PITPNC1: variants seen among roughly 807,000 people sequenced by gnomAD.
PITPNC1 encodes phosphatidylinositol transfer protein cytoplasmic 1.
In PITPNC1, 18 loss-of-function variants were observed where a neutral mutation model predicts 44.7. That is an observed-to-expected ratio of 0.40 (90% CI 0.28 to 0.60). The LOEUF (loss-of-function observed/expected upper bound fraction) is 0.60. Among genes scored for constraint, PITPNC1 ranks in the 20% least tolerant of loss-of-function variants. The pLI, the probability that PITPNC1 is intolerant of heterozygous loss-of-function variation, is 0.39. For missense variants in PITPNC1, 290 were observed against 418.4 expected, an observed-to-expected ratio of 0.69 and a Z score of 2.68; for synonymous variants, 141 against 149.6, an observed-to-expected ratio of 0.94 and a Z score of 0.42.
chr17:67,487,926 G>A (rs1250999349), intron 1 of PITPNC1, among the ~76,000 whole-genome samples: 1 of 152,172 alleles, frequency 6.6e-6, no homozygotes, highest in Non-Finnish European at 1.5e-5. Flanking sequence ...GAAGAAAAGG[G>A]TTAGGACCAC....
At chr17:67,583,287 T>A (rs1321459878) in intron 5 of PITPNC1, among the ~76,000 whole-genome samples, 1 of 152,092 alleles carries the variant, frequency 6.6e-6, no homozygotes, top group Non-Finnish European at 1.5e-5. Flanking sequence ...CAATCACAGC[T>A]GCCTATTAAA....
chr17:67,422,434 C>T (rs549385027), intron 1 of PITPNC1, among the ~76,000 whole-genome samples: 64 of 152,312 alleles, frequency 4.2e-4, no homozygotes, highest in African/African-American at 1.3e-3. Context: ...GCTATGTTGC[C>T]TAGGCTGGTC....
intron 1 of PITPNC1, among the ~76,000 whole-genome samples, chr17:67,458,211 T>C (rs967257641): frequency 1.1e-4 from 16 of 152,194 alleles, no homozygotes; most frequent in African/African-American, 3.6e-4. Flanking sequence ...CTCCTCTTTT[T>C]CCTTCACAGG....
intron 1 of PITPNC1, among the ~76,000 whole-genome samples, chr17:67,476,080 A>G (rs1002600583): frequency 6.6e-6 from 1 of 152,194 alleles, no homozygotes; most frequent in Non-Finnish European, 1.5e-5. Context: ...TCCCCTTCCA[A>G]AGTGCTTTCA....
chr17:67,632,585 T>C (rs1318368447), intron 6 of PITPNC1, among the ~76,000 whole-genome samples: 32 of 145,246 alleles, frequency 2.2e-4, no homozygotes, highest in African/African-American at 8.1e-4. Context: ...TTTTTTTTTT[T>C]CTTTTTTTTT....
At chr17:67,481,072 T>G (rs1318046692) in intron 1 of PITPNC1, among the ~76,000 whole-genome samples, 2 of 152,214 alleles carry the variant, frequency 1.3e-5, no homozygotes, top group Non-Finnish European at 2.9e-5. Context: ...CTGGGCGCAG[T>G]GGTGCACGCC....
intron 1 of PITPNC1, among the ~76,000 whole-genome samples, chr17:67,424,600 T>G (rs1016271073): frequency 1.3e-5 from 2 of 151,980 alleles, no homozygotes; most frequent in Non-Finnish European, 2.9e-5. Flanking sequence ...AAGGTTGCAG[T>G]GATCCGGGAT....
At chr17:67,489,451 T>C (rs1161488585) in intron 1 of PITPNC1, among the ~76,000 whole-genome samples, 1 of 152,234 alleles carries the variant, frequency 6.6e-6, no homozygotes, top group Non-Finnish European at 1.5e-5. Context: ...ACAAAGATTG[T>C]GGTCACTATA....
At position 67,535,390 on chromosome 17, in the gene PITPNC1, C is replaced by G. The variant is rs116579212; in HGVS notation, c.197+2440C>G. Among the ~76,000 whole-genome samples, 1,265 of 152,278 alleles carry G rather than the reference C, an allele frequency of 8.3e-3. 12 individuals are homozygous for G. The highest frequency in any genetic ancestry group is 0.029 in the African/African-American group (1,205 of 41,552). ...TGAGGAAGATGCCAGAAAATAGAAA[C>G]CTATGGAAAATTCCATTTCTTGGCA... On this transcript the variant is annotated intron_variant, in intron 2 of 8. Coordinates refer to ENST00000581322, the MANE Select transcript of PITPNC1 (RefSeq NM_012417.4).
intron 1 of PITPNC1, among the ~76,000 whole-genome samples, chr17:67,517,776 T>C (rs2040276758): frequency 6.6e-6 from 1 of 152,184 alleles, no homozygotes. Context: ...GGATGACTAT[T>C]AGTGGGTATG....
intron 1 of PITPNC1, among the ~76,000 whole-genome samples, chr17:67,447,972 G>T (rs942859693): frequency 2.7e-5 from 4 of 148,652 alleles, no homozygotes; most frequent in Non-Finnish European, 6.0e-5. Flanking sequence ...TTCAGATGGG[G>T]TCTTGCTCTG....
intron 7 of PITPNC1, among the ~76,000 whole-genome samples, chr17:67,672,135 T>C (rs2042525257): frequency 6.6e-6 from 1 of 151,856 alleles, no homozygotes; most frequent in Non-Finnish European, 1.5e-5. Context: ...GGTTTCACCA[T>C]GTTAGCCAGG....
chr17:67,383,756 T>C (rs2037999423), intron 1 of PITPNC1, among the ~76,000 whole-genome samples: 1 of 152,182 alleles, frequency 6.6e-6, no homozygotes, highest in Admixed American at 6.5e-5. Context: ...TTAACCGTTC[T>C]GGCCAGGCGC....
At chr17:67,487,277 C>T (rs1264344843) in intron 1 of PITPNC1, among the ~76,000 whole-genome samples, 36 of 152,004 alleles carry the variant, frequency 2.4e-4, no homozygotes, top group Admixed American at 2.4e-3. Flanking sequence ...CAGGTTCAAG[C>T]AATTCTCTTG....
At chr17:67,668,861 C>CA (rs1445471215) in intron 6 of PITPNC1, among the ~76,000 whole-genome samples, 3 of 149,540 alleles carry the variant, frequency 2.0e-5, no homozygotes, top group Non-Finnish European at 4.4e-5. Flanking sequence ...GACTCCATCT[C>CA]AAAAAAAAGA....
At chr17:67,457,371 T>TTTTTGTA (rs1275558229) in intron 1 of PITPNC1, 12 of 139,248 alleles carry the variant, frequency 8.6e-5, no homozygotes, top group African/African-American at 3.9e-4. Context: ...CTCTGGCTGT[T>TTTTTGTA]TTTTGTTTTT....
At chr17:67,444,985 G>C (rs2039074674) in intron 1 of PITPNC1, among the ~76,000 whole-genome samples, 1 of 145,556 alleles carries the variant, frequency 6.9e-6, no homozygotes, top group Admixed American at 7.1e-5. Context: ...ATCCTAGTGG[G>C]GTACAGATGT....
At chr17:67,662,336 C>T (rs984470255) in intron 6 of PITPNC1, among the ~76,000 whole-genome samples, 2 of 151,120 alleles carry the variant, frequency 1.3e-5, no homozygotes, top group South Asian at 4.2e-4. Context: ...TGCCTGTAAT[C>T]CCAGCTACTT....
chr17:67,517,886 T>A (rs9899770), intron 1 of PITPNC1, among the ~76,000 whole-genome samples: 95,029 of 151,796 alleles, frequency 0.63, 30,068 homozygotes, highest in East Asian at 0.77. Flanking sequence ...ATATTTTTTT[T>A]AAAAAAGTAT....
Sources: gnomAD v4.1 joint callset for allele counts (sites outside exome capture counted in the v4.1 genomes callset) on GRCh38, gnomAD v4.1.1 for gene constraint, MANE v1.5 for transcripts, NCBI Gene and HGNC (gene_info 2026-07-23, HGNC 2026-07-21) for gene names.